The following HECW1 variants were observed in gnomAD, a reference collection of about 807,000 sequenced individuals.
HECW1 encodes the protein HECT, C2 and WW domain containing E3 ubiquitin protein ligase 1.
HECW1 carries 61 observed loss-of-function variants against 182.3 expected under a neutral mutation model. The observed-to-expected ratio is 0.33, with a 90% CI of 0.27 to 0.41. The LOEUF (loss-of-function observed/expected upper bound fraction) is 0.41, where lower values mean the gene tolerates loss of function less well. Ranked by LOEUF, HECW1 falls within the 10% of genes least tolerant of loss-of-function variation. The probability of loss-of-function intolerance (pLI) is 1.00; values close to 1 mark genes in which losing one functional copy is unlikely to be tolerated. For synonymous variants in HECW1, 859 were observed against 832.6 expected, an observed-to-expected ratio of 1.03 and a Z score of -0.55; for missense variants, 1,739 against 2,108.9, an observed-to-expected ratio of 0.82 and a Z score of 3.44.
chr7:43,499,541 A>G (rs1349956574), intron 19 of HECW1, among the ~76,000 whole-genome samples: 3 of 152,012 alleles, frequency 2.0e-5, no homozygotes, highest in African/African-American at 7.2e-5. Flanking sequence ...ACTGGGAGAA[A>G]CTGAGTGAGG....
At chr7:43,332,187 G>T (rs1370122083) in intron 5 of HECW1, among the ~76,000 whole-genome samples, 1 of 152,100 alleles carries the variant, frequency 6.6e-6, no homozygotes, top group East Asian at 1.9e-4. Context: ...CAGTGAAATT[G>T]GATCTCTACA....
chr7:43,216,065 CTG>C (rs1227615835), intron 2 of HECW1, among the ~76,000 whole-genome samples: 1 of 152,184 alleles, frequency 6.6e-6, no homozygotes, highest in Non-Finnish European at 1.5e-5. Flanking sequence ...CCTATTCTGT[CTG>C]TCATTTTATA....
intron 2 of HECW1, among the ~76,000 whole-genome samples, chr7:43,178,634 G>A (rs886248611): frequency 6.6e-6 from 1 of 152,082 alleles, no homozygotes; most frequent in Non-Finnish European, 1.5e-5. Context: ...CCTCACACTC[G>A]CCCCTTGTCT....
At chr7:43,368,577 A>T (rs1229493527) in intron 6 of HECW1, among the ~76,000 whole-genome samples, 2 of 152,218 alleles carry the variant, frequency 1.3e-5, no homozygotes, top group South Asian at 4.1e-4. Context: ...CTCTCTCTAG[A>T]TAATTTACCC....
At position 43,421,356 on chromosome 7, in the gene HECW1, A is replaced by C. The variant is rs927987688; in HGVS notation, c.801+13625A>C. Among the ~76,000 whole-genome samples the C allele has an allele frequency of 7.2e-5, 11 of 152,262 alleles. 1 individual carries two copies. The highest frequency in any genetic ancestry group is 1.9e-4 in the African/African-American group (8 of 41,466). On this transcript the variant is annotated intron_variant, in intron 8 of 29. Transcript: ENST00000395891. ...CTTCTAATTCATAAGAAAACAAGTAAGAATACTTTCATGTCCTTGTGGAAG... is the reference window on the plus strand; with the variant it reads ...CTTCTAATTCATAAGAAAACAAGTACGAATACTTTCATGTCCTTGTGGAAG...
chr7:43,172,672 C>T (rs1200497514), intron 2 of HECW1, among the ~76,000 whole-genome samples: 1 of 152,140 alleles, frequency 6.6e-6, no homozygotes, highest in African/African-American at 2.4e-5. Flanking sequence ...GTCCCTTCCC[C>T]AGAACTCAGA....
At chr7:43,308,024 ATATTATATATTATATTG>A (rs1448641898) in intron 3 of HECW1, among the ~76,000 whole-genome samples, 5 of 118,780 alleles carry the variant, frequency 4.2e-5, no homozygotes, top group African/African-American at 1.7e-4. Context: ...TATATATAAT[ATATTATATATTATATTG>A]TATTATATAT....
intron 5 of HECW1, among the ~76,000 whole-genome samples, chr7:43,329,202 G>A (rs913108816): frequency 1.3e-5 from 2 of 152,188 alleles, no homozygotes; most frequent in Non-Finnish European, 2.9e-5. Context: ...GGGAAGGGGT[G>A]AGGCTGGGGT....
In HECW1 at chr7:43,146,337, C is replaced by T. The variant is rs184621677; in HGVS notation, c.-32+31946C>T. Among the ~76,000 whole-genome samples, 426 of 152,218 alleles carry T rather than the reference C, an allele frequency of 2.8e-3. 1 individual carries two copies. The highest frequency in any genetic ancestry group is 9.8e-3 in the African/African-American group (408 of 41,518). ...AGCAGCTGCACCCACCCTACCCTCT[C>T]CAGTTGTAACAATCAAAAATATCTC... On this transcript the variant is annotated intron_variant, in intron 2 of 29. Transcript: ENST00000395891.
chr7:43,366,079 G>T (rs900337340), intron 6 of HECW1, among the ~76,000 whole-genome samples: 4 of 151,714 alleles, frequency 2.6e-5, no homozygotes, highest in African/African-American at 9.7e-5. Context: ...CTCCAGCCTG[G>T]TCGACAGAGC....
In HECW1 at chr7:43,427,534, C is replaced by T. The variant is rs184251842; in HGVS notation, c.802-10469C>T. Among the ~76,000 whole-genome samples the T allele has an allele frequency of 2.6e-4, 40 of 152,320 alleles. 1 individual carries two copies. The highest frequency in any genetic ancestry group is 2.0e-3 in the Admixed American group (30 of 15,300). On this transcript the variant is annotated intron_variant, in intron 8 of 29. Coordinates refer to ENST00000395891, the MANE Select transcript of HECW1 (RefSeq NM_015052.5). Reference sequence around the variant, plus strand: ...AAAGTATATCTCTATTATGCTGTTACTTGCCCTAATTTAGACTACTGCGTT... The same window carrying T: ...AAAGTATATCTCTATTATGCTGTTATTTGCCCTAATTTAGACTACTGCGTT...
intron 17 of HECW1, among the ~76,000 whole-genome samples, chr7:43,481,991 A>T (rs2152909194): frequency 6.6e-6 from 1 of 151,752 alleles, no homozygotes. Flanking sequence ...AAAAAAAAAA[A>T]AAGAACTAGC....
rs773574038 is a variant in HECW1 at position 43,444,432 on chromosome 7, AGTC to A, written c.1261_1263del (p.Val421del). On this transcript the variant is annotated inframe_deletion, in exon 11 of 30. Coordinates refer to ENST00000395891, the MANE Select transcript of HECW1 (RefSeq NM_015052.5). This position sits in a 1 kb window ranked among gnomAD's most constrained non-coding sequence, Gnocchi z 4.3. ...TTTCCAGACCAGCTGAGGAAGCAGC[AGTC>A]ATCACGGAGGCAGGAGACCAGGGCA... 28 of 1,613,872 alleles carry A rather than the reference AGTC, an allele frequency of 1.7e-5. 2 individuals are homozygous for A. In the South Asian group the frequency reaches 2.4e-4, roughly 14 times the overall value.
chr7:43,372,090 G>A (rs899128778), intron 6 of HECW1, among the ~76,000 whole-genome samples: 3 of 152,112 alleles, frequency 2.0e-5, no homozygotes, highest in African/African-American at 7.2e-5. Context: ...CCAAAGTGCT[G>A]GGATTACAGG....
chr7:43,326,180 T>C (rs1810757497), intron 5 of HECW1, among the ~76,000 whole-genome samples: 4 of 152,178 alleles, frequency 2.6e-5, no homozygotes, highest in African/African-American at 7.2e-5. Context: ...TACAAGGGCA[T>C]TAATCCCATT....
intron 3 of HECW1, among the ~76,000 whole-genome samples, chr7:43,292,832 T>C (rs908822544): frequency 2.6e-5 from 4 of 151,998 alleles, no homozygotes; most frequent in Non-Finnish European, 5.9e-5. Context: ...TAGTAGAGGG[T>C]TGTGACTGCA....
rs142459103 is a variant in HECW1 at position 43,487,964 on chromosome 7, A to AAGAGAGAGAG, written c.3235-4101_3235-4092dup. On this transcript the variant is annotated intron_variant, in intron 17 of 29. Transcript: ENST00000395891. ...ACAGAGACTGTCTCAAAAAAAAAGGAAGAGAGAGAGAGAGAGAGAAAGAAA... is the reference window on the plus strand; with the variant it reads ...ACAGAGACTGTCTCAAAAAAAAAGGAAGAGAGAGAGAGAGAGAGAGAGAGAGAGAAAGAAA... Among the ~76,000 whole-genome samples the AAGAGAGAGAG allele has an allele frequency of 3.7e-4, 54 of 147,320 alleles. No homozygotes were observed. The South Asian group carries it at 0.01, about 28-fold the overall frequency.
At chr7:43,119,393 G>A (rs1785362335) in intron 2 of HECW1, among the ~76,000 whole-genome samples, 1 of 152,178 alleles carries the variant, frequency 6.6e-6, no homozygotes, top group South Asian at 2.1e-4. Context: ...CAGCCTCTCT[G>A]GCTCTTCTCT....
intron 3 of HECW1, among the ~76,000 whole-genome samples, chr7:43,307,994 A>ATGTTC: frequency 7.9e-6 from 1 of 125,860 alleles, no homozygotes; most frequent in Non-Finnish European, 1.6e-5. Flanking sequence ...AACATATAAT[A>ATGTTC]TATAATATAT....
Sources: allele counts gnomAD v4.1 joint callset (sites outside exome capture counted in the v4.1 genomes callset), GRCh38; gene constraint gnomAD v4.1.1; non-coding constraint Gnocchi (gnomAD v3.1); transcripts MANE v1.5; gene names NCBI Gene and HGNC (gene_info 2026-07-23, HGNC 2026-07-21).